The following NME7 variants were observed in gnomAD, a reference collection of about 807,000 sequenced individuals.
NME7 encodes the protein nucleoside diphosphate kinase 7.
Under a neutral mutation model 49.1 loss-of-function variants are expected in NME7, and 41 were observed. That is an observed-to-expected ratio of 0.83 (90% CI 0.65 to 1.08). The LOEUF is 1.08. Ranked by LOEUF, NME7 falls within the 50% of genes least tolerant of loss-of-function variation. The pLI is 0.00. For missense variants in NME7, 423 were observed against 463.4 expected (o/e 0.91, Z 0.80); for synonymous variants, 139 against 150.6 (o/e 0.92, Z 0.56).
intron 10 of NME7, among the ~76,000 whole-genome samples, chr1:169,228,197 C>G (rs904708689): frequency 2.7e-4 from 41 of 152,018 alleles, no homozygotes; most frequent in Non-Finnish European, 5.4e-4. Flanking sequence ...GTGTGTGCTA[C>G]CATGCCCAGC....
At chr1:169,251,157 G>C (rs909012239) in intron 7 of NME7, among the ~76,000 whole-genome samples, 1 of 152,032 alleles carries the variant, frequency 6.6e-6, no homozygotes, top group Non-Finnish European at 1.5e-5. Context: ...GGGAGCTCCA[G>C]TGTTAAGTGT....
intron 11 of NME7, among the ~76,000 whole-genome samples, chr1:169,139,039 A>G (rs930571673): frequency 6.6e-6 from 1 of 152,166 alleles, no homozygotes; most frequent in African/African-American, 2.4e-5. Flanking sequence ...AAATATGAAC[A>G]GATGTTTGTT....
At chr1:169,367,615 C>A in intron 1 of NME7, 93 bp downstream of exon 1, 1 of 1,437,760 alleles carries the variant, frequency 7.0e-7, no homozygotes, top group Non-Finnish European at 9.8e-7. Context: ...GTCGGGAGGA[C>A]CGGACAACTT....
intron 1 of NME7, among the ~76,000 whole-genome samples, chr1:169,362,003 C>T (rs12029566): frequency 0.65 from 98,364 of 151,694 alleles, 32,116 homozygotes; most frequent in East Asian, 0.93. Context: ...AGGTCAGGAG[C>T]TCGAGACCAG....
At chr1:169,249,947 T>A (rs114089179) in intron 7 of NME7, among the ~76,000 whole-genome samples, 12,585 of 152,096 alleles carry the variant, frequency 0.083, 710 homozygotes, top group Admixed American at 0.19. Flanking sequence ...TTTTTTCTTA[T>A]GTCTTTTCCT....
At chr1:169,224,127 C>T (rs988811219) in intron 10 of NME7, among the ~76,000 whole-genome samples, 1 of 152,244 alleles carries the variant, frequency 6.6e-6, no homozygotes, top group African/African-American at 2.4e-5. Flanking sequence ...GGCGATGCCT[C>T]TCACCTGGAT....
intron 10 of NME7, among the ~76,000 whole-genome samples, chr1:169,221,016 A>G (rs1357215437): frequency 2.0e-5 from 3 of 152,222 alleles, no homozygotes; most frequent in Non-Finnish European, 2.9e-5. Context: ...ATCATAATAG[A>G]GTAGAGAGAA....
intron 9 of NME7, among the ~76,000 whole-genome samples, chr1:169,233,434 T>TTAGAGGCTA (rs1384293586): frequency 1.1e-4 from 16 of 152,154 alleles, no homozygotes; most frequent in Non-Finnish European, 1.2e-4. Flanking sequence ...GGCTAGGAGC[T>TTAGAGGCTA]GAGTGAGACT....
At chr1:169,299,905 T>C (rs1333662654) in intron 5 of NME7, among the ~76,000 whole-genome samples, 1 of 151,994 alleles carries the variant, frequency 6.6e-6, no homozygotes, top group Non-Finnish European at 1.5e-5. Context: ...ACCATGTTTA[T>C]TCACTCAATA....
chr1:169,186,164 G>T (rs1042431635), intron 10 of NME7, among the ~76,000 whole-genome samples: 9 of 152,130 alleles, frequency 5.9e-5, no homozygotes, highest in Non-Finnish European at 1.2e-4. Flanking sequence ...TAAAATTAGA[G>T]TATTTCTACT....
chr1:169,313,909 A>G (rs866267068), intron 3 of NME7, among the ~76,000 whole-genome samples: 2 of 152,200 alleles, frequency 1.3e-5, no homozygotes, highest in African/African-American at 4.8e-5. Flanking sequence ...ATATTAGAAT[A>G]TCTTGTGATG....
intron 7 of NME7, among the ~76,000 whole-genome samples, chr1:169,252,631 T>C (rs1414069504): frequency 6.6e-6 from 1 of 152,220 alleles, no homozygotes; most frequent in Admixed American, 6.5e-5. Context: ...CATGAAGTCG[T>C]CGCCTATGCC....
intron 7 of NME7, 179 bp downstream of exon 7, chr1:169,287,124 A>G (rs1418899686): frequency 2.5e-5 from 13 of 530,350 alleles, no homozygotes; most frequent in Admixed American, 3.8e-5. Flanking sequence ...CAAAGAAAAG[A>G]CAAATAGAGA....
chr1:169,201,494 G>T (rs1377992146), intron 10 of NME7, among the ~76,000 whole-genome samples: 1 of 152,132 alleles, frequency 6.6e-6, no homozygotes, highest in Non-Finnish European at 1.5e-5. Context: ...AAACAGTCGG[G>T]AAGTGATGAA....
At chr1:169,253,209 C>A (rs1306870717) in intron 7 of NME7, among the ~76,000 whole-genome samples, 2 of 148,670 alleles carry the variant, frequency 1.3e-5, no homozygotes, top group Non-Finnish European at 3.0e-5. Flanking sequence ...GAATGTTCTT[C>A]CATTTGTTTG....
intron 7 of NME7, among the ~76,000 whole-genome samples, chr1:169,240,997 G>T (rs1172080335): frequency 6.6e-6 from 1 of 152,040 alleles, no homozygotes; most frequent in Non-Finnish European, 1.5e-5. Flanking sequence ...AGCACAATTT[G>T]TCTGTCAGTC....
In NME7 at chr1:169,351,985, T is replaced by C. The variant is rs564961558; in HGVS notation, c.3+15723A>G. Reference sequence around the variant, plus strand: ...ACCTGATGGCTTCACTGCTGAATTCTACCAAACATATAAAGAACTAATACC... The same window carrying C: ...ACCTGATGGCTTCACTGCTGAATTCCACCAAACATATAAAGAACTAATACC... On this transcript the variant is annotated intron_variant, in intron 1 of 11. Transcript: ENST00000367811. Among the ~76,000 whole-genome samples, 289 of 152,158 alleles carry C rather than the reference T, an allele frequency of 1.9e-3. 4 individuals carry two copies. The highest frequency in any genetic ancestry group is 6.7e-3 in the African/African-American group (280 of 41,560).
chr1:169,252,921 A>C (rs1451574557), intron 7 of NME7, among the ~76,000 whole-genome samples: 1 of 148,522 alleles, frequency 6.7e-6, no homozygotes, highest in Non-Finnish European at 1.5e-5. Flanking sequence ...ATTGATCTAT[A>C]TCTCTGTTTT....
chr1:169,354,876 TA>T (rs1362507089), intron 1 of NME7, among the ~76,000 whole-genome samples: 1 of 123,728 alleles, frequency 8.1e-6, no homozygotes, highest in Non-Finnish European at 1.6e-5. Flanking sequence ...ATTATAAACA[TA>T]ATAATATATA....
Sources: gnomAD v4.1 joint callset for allele counts (sites outside exome capture counted in the v4.1 genomes callset) on GRCh38, gnomAD v4.1.1 for gene constraint, MANE v1.5 for transcripts, NCBI Gene and HGNC (gene_info 2026-07-23, HGNC 2026-07-21) for gene names.